Variants in INSC observed in about 807,000 individuals in gnomAD.
INSC encodes the protein protein inscuteable homolog.
INSC carries 67 observed loss-of-function variants against 58.6 expected under a neutral mutation model. That is an observed-to-expected ratio of 1.14 (90% CI 0.94 to 1.40). The LOEUF (loss-of-function observed/expected upper bound fraction) is 1.40. Among genes scored for constraint, INSC ranks in the 40% most tolerant of loss-of-function variants. INSC has a pLI of 0.00. For missense variants in INSC, 714 were observed against 692.0 expected (o/e 1.03, Z -0.36); for synonymous variants, 262 against 276.1 (o/e 0.95, Z 0.51).
chr11:15,251,950 A>G (rs2133995147), downstream of INSC, among the ~76,000 whole-genome samples: 1 of 152,348 alleles, frequency 6.6e-6, no homozygotes, highest in South Asian at 2.1e-4. Flanking sequence ...TAACAGCATT[A>G]TTCATAGTTG....
chr11:15,150,420 G>A (rs1294746786), intron 2 of INSC, among the ~76,000 whole-genome samples: 1 of 152,192 alleles, frequency 6.6e-6, no homozygotes, highest in Non-Finnish European at 1.5e-5. Context: ...AATTCATGCT[G>A]GATAATTGAC....
chr11:15,262,067 T>G, the INSC span, among the ~76,000 whole-genome samples: 873 of 152,202 alleles, frequency 5.7e-3, 8 homozygotes, highest in African/African-American at 0.02. Flanking sequence ...GCTCCCACCT[T>G]TCTGGGTCCT....
chr11:15,151,524 T>C (rs1031248298), intron 2 of INSC, among the ~76,000 whole-genome samples: 6 of 152,212 alleles, frequency 3.9e-5, no homozygotes, highest in South Asian at 2.1e-4. Context: ...ACGAGCTTCC[T>C]GGATAGCAGG....
intron 1 of INSC, among the ~76,000 whole-genome samples, chr11:15,146,827 A>G (rs189816649): frequency 1.8e-3 from 271 of 152,298 alleles, no homozygotes; most frequent in African/African-American, 6.0e-3. Flanking sequence ...TCTTGCATTC[A>G]GGCTTCTGCT....
chr11:15,161,523 A>G (rs777364085), intron 2 of INSC, among the ~76,000 whole-genome samples: 4 of 152,192 alleles, frequency 2.6e-5, no homozygotes, highest in Non-Finnish European at 4.4e-5. Flanking sequence ...CATTTCCACT[A>G]TAGGTGGGCA....
downstream of INSC, among the ~76,000 whole-genome samples, chr11:15,247,926 T>G (rs1036167964): frequency 6.6e-6 from 1 of 152,114 alleles, no homozygotes; most frequent in Non-Finnish European, 1.5e-5. Flanking sequence ...CTGTCAGCTG[T>G]TTCCCTTGAA....
intron 10 of INSC, among the ~76,000 whole-genome samples, chr11:15,236,990 C>A (rs893085906): frequency 6.6e-6 from 1 of 152,170 alleles, no homozygotes; most frequent in East Asian, 1.9e-4. Flanking sequence ...TAGAGCCTTA[C>A]GTTGAAGTGT....
intron 5 of INSC, among the ~76,000 whole-genome samples, chr11:15,185,339 A>G (rs1849924858): frequency 6.6e-6 from 1 of 152,204 alleles, no homozygotes; most frequent in South Asian, 2.1e-4. Context: ...CATTAAGTCA[A>G]TATTCAATCA....
intron 2 of INSC, among the ~76,000 whole-genome samples, chr11:15,159,655 C>A (rs1590377520): frequency 6.6e-6 from 1 of 152,212 alleles, no homozygotes; most frequent in Non-Finnish European, 1.5e-5. Flanking sequence ...AGTCTAGACA[C>A]TGATGAGCTG....
At chr11:15,163,441 C>G (rs900294234) in intron 2 of INSC, among the ~76,000 whole-genome samples, 2 of 152,116 alleles carry the variant, frequency 1.3e-5, no homozygotes, top group African/African-American at 2.4e-5. Flanking sequence ...TCCCCTCCCC[C>G]ACCTGAAAGT....
At chr11:15,268,239 C>T in the INSC span, among the ~76,000 whole-genome samples, 2 of 152,028 alleles carry the variant, frequency 1.3e-5, no homozygotes, top group South Asian at 4.1e-4. Flanking sequence ...AGAATCAAGT[C>T]TAGTCCCTGT....
At chr11:15,184,405 GTT>G (rs769971396) in intron 5 of INSC, 3 of 193,908 alleles carry the variant, frequency 1.5e-5, no homozygotes, top group Non-Finnish European at 2.1e-5. Flanking sequence ...TTTTCTTTTT[GTT>G]TTTTTTTGAG....
intron 1 of INSC, among the ~76,000 whole-genome samples, chr11:15,139,447 A>C (rs1848318704): frequency 6.6e-6 from 1 of 152,236 alleles, no homozygotes; most frequent in Non-Finnish European, 1.5e-5. Flanking sequence ...GAAAGTAAGA[A>C]GGAATAATTT....
chr11:15,223,978 A>G (rs1851539926), intron 8 of INSC, among the ~76,000 whole-genome samples: 1 of 152,234 alleles, frequency 6.6e-6, no homozygotes, highest in Non-Finnish European at 1.5e-5. Context: ...TCAGAGGCTG[A>G]GAGACCAGAA....
At chr11:15,155,358 A>G (rs1368154461) in intron 2 of INSC, among the ~76,000 whole-genome samples, 8 of 152,204 alleles carry the variant, frequency 5.3e-5, no homozygotes, top group Non-Finnish European at 1.2e-4. Flanking sequence ...TGGGTTACAT[A>G]TCTCTTCTCT....
At chr11:15,230,040 A>T (rs1237418363) in intron 9 of INSC, among the ~76,000 whole-genome samples, 9 of 90,336 alleles carry the variant, frequency 1.0e-4, no homozygotes, top group Non-Finnish European at 1.9e-4. Context: ...ATATATATAT[A>T]AAAGCCAGGC....
intron 7 of INSC, among the ~76,000 whole-genome samples, chr11:15,202,681 T>C (rs1430372437): frequency 6.6e-6 from 1 of 152,208 alleles, no homozygotes; most frequent in Non-Finnish European, 1.5e-5. Context: ...GAGGAGAAGA[T>C]AGAAGGAGCT....
At chr11:15,237,737 A>G (rs1332525351) in intron 10 of INSC, among the ~76,000 whole-genome samples, 3 of 152,198 alleles carry the variant, frequency 2.0e-5, no homozygotes, top group African/African-American at 4.8e-5. Context: ...AGGTAATGTA[A>G]ATGGACGAGG....
rs779463980 is a variant in INSC, at chr11:15,174,995, G to A, written c.57-746G>A. Among the ~76,000 whole-genome samples, 7 of 152,070 alleles carry A rather than the reference G, an allele frequency of 4.6e-5. 1 individual carries two copies. The highest frequency in any genetic ancestry group is 1.0e-4 in the Non-Finnish European group (7 of 68,002). ...TGCATTTTATTTGATTAAGATCTTA[G>A]GAACTAATCTATGTTCTCATGCTGT... On this transcript the variant is annotated intron_variant, in intron 2 of 12. Coordinates refer to ENST00000379556, the MANE Select transcript of INSC (RefSeq NM_001042536.3).
Sources: gnomAD v4.1 joint callset for allele counts (sites outside exome capture counted in the v4.1 genomes callset) on GRCh38, gnomAD v4.1.1 for gene constraint, MANE v1.5 for transcripts, NCBI Gene and HGNC (gene_info 2026-07-23, HGNC 2026-07-21) for gene names.